The following PCDHA3 variants were observed in gnomAD, a reference collection of about 807,000 sequenced individuals.
PCDHA3 encodes the protein protocadherin alpha-3.
Under a neutral mutation model 62.2 loss-of-function variants are expected in PCDHA3, and 41 were observed. The observed-to-expected ratio is 0.66, with a 90% CI of 0.51 to 0.86. The LOEUF (loss-of-function observed/expected upper bound fraction) is 0.86. PCDHA3 is among the 40% of genes least tolerant of loss of function. PCDHA3 has a pLI of 0.00. For synonymous variants in PCDHA3, 640 were observed against 555.4 expected (o/e 1.15, Z -2.14); for missense variants, 1,304 against 1,241.2 (o/e 1.05, Z -0.76).
Position 140,823,986 on chromosome 5 carries a change from T to A in PCDHA3, c.2394+20395T>A, listed in dbSNP as rs2150131156. On this transcript the variant is annotated intron_variant, in intron 1 of 3. Coordinates refer to ENST00000522353, the MANE Select transcript of PCDHA3 (RefSeq NM_018906.3). ...CCGTGTGCACACGGGGCAAGCCCAC[T>A]CTGTTGTGCTCCAGCGCGGTGGGGA... The A allele has an allele frequency of 3.9e-5, 63 of 1,613,776 alleles. No individual in the cohort carries two copies. The Admixed American group carries it at 1.0e-3, about 27-fold the overall frequency.
intron 1 of PCDHA3, among the ~76,000 whole-genome samples, chr5:140,898,790 AT>A (rs1193457354): frequency 2.6e-5 from 4 of 152,112 alleles, no homozygotes; most frequent in African/African-American, 7.2e-5. Flanking sequence ...CAGTATGGCC[AT>A]TTTCACGATA....
chr5:140,829,430 G>C (rs2150167719), intron 1 of PCDHA3: 5 of 1,614,092 alleles, frequency 3.1e-6, no homozygotes, highest in South Asian at 1.1e-5. Flanking sequence ...GGAGGTGGCC[G>C]ACATGAATGA....
At chr5:140,870,638 A>G in intron 1 of PCDHA3, 1 of 1,612,842 alleles carries the variant, frequency 6.2e-7, no homozygotes, top group East Asian at 2.2e-5. Flanking sequence ...GTGCACGCGG[A>G]GAGCGGCAAG....
Position 140,803,543 on chromosome 5 carries a change from C to A in PCDHA3, c.2346C>A (p.Ser782Arg), listed in dbSNP as rs782432564. 25 of 1,614,074 alleles carry A rather than the reference C, an allele frequency of 1.5e-5. No homozygotes were observed. Among genetic ancestry groups the A allele is most frequent in the Non-Finnish European group, 1.9e-5 (23 of 1,180,052 alleles). ...FSPSLPPCPI[S>R]RDREEKQDVD... The stretch of plus-strand genomic sequence containing the variant: ...CTAGCCTTCCTCCTTGTCCAATTAG[C>A]CGGGATAGAGAGGAGAAACAGGATG... The change falls in exon 1 of 4, where the codon AGC becomes AGA. Residue 782 changes from serine (S) to arginine (R), a missense_variant. Coordinates refer to ENST00000522353, the MANE Select transcript of PCDHA3 (RefSeq NM_018906.3).
intron 1 of PCDHA3, chr5:140,824,471 T>C (rs1044239282): frequency 9.9e-6 from 4 of 402,254 alleles, no homozygotes; most frequent in African/African-American, 2.1e-5. Context: ...TTTATTTTAT[T>C]GTTATTTTTT....
intron 1 of PCDHA3, chr5:140,861,363 G>A: frequency 2.8e-6 from 1 of 354,256 alleles, no homozygotes; most frequent in Non-Finnish European, 5.8e-6. Flanking sequence ...TAGCGTCTTC[G>A]CGGTCCCTAT....
intron 1 of PCDHA3, chr5:140,811,095 G>A (rs1167006415): frequency 3.3e-5 from 5 of 152,252 alleles, no homozygotes; most frequent in South Asian, 2.1e-4. Context: ...TGCCATGTTC[G>A]TTTGCTGCAC....
At position 140,808,956 on chromosome 5, in the gene PCDHA3, T is replaced by C. The variant is rs781916233; in HGVS notation, c.2394+5365T>C. Reference sequence around the variant, plus strand: ...CCATGGTCGGTGGGTGTGGGCCACGTGGTGGCAAAGGTGCGCGCGGTGGAT... The same window carrying C: ...CCATGGTCGGTGGGTGTGGGCCACGCGGTGGCAAAGGTGCGCGCGGTGGAT... On this transcript the variant is annotated intron_variant, in intron 1 of 3. Coordinates refer to ENST00000522353, the MANE Select transcript of PCDHA3 (RefSeq NM_018906.3). The C allele has an allele frequency of 1.2e-5, 19 of 1,613,408 alleles. No individual in the cohort carries two copies. In the Admixed American group the frequency reaches 2.3e-4, roughly 20 times the overall value.
In PCDHA3 at chr5:140,852,432, C is replaced by A. The variant is rs185141585; in HGVS notation, c.2394+48841C>A. ...AGCTGGGATTATAGGCACATGCCAC[C>A]GCGCCCAGCTAATTTTTGTATTTTT... On this transcript the variant is annotated intron_variant, in intron 1 of 3. Transcript: ENST00000522353. 4.7e-3 allele frequency: 847 copies of A among 180,880 alleles called. 56 individuals are homozygous for A. Among genetic ancestry groups the A allele is most frequent in the South Asian group, 0.036 (183 of 5,090 alleles). 11.2% of individuals were successfully genotyped at this position (180,880 alleles called of 1,614,324 possible).
chr5:140,844,390 A>G (rs1233880656), intron 1 of PCDHA3, among the ~76,000 whole-genome samples: 1 of 149,636 alleles, frequency 6.7e-6, no homozygotes, highest in Non-Finnish European at 1.5e-5. Flanking sequence ...TTCATTATTT[A>G]GACCATTTTA....
rs1033698977 is a variant in PCDHA3 at position 140,868,958 on chromosome 5, T to A, written c.2394+65367T>A. ...TGGTCTGAACAGTGAGGCACTCCCA[T>A]ACAAAGGAACTCCATCATACCGGAT... On this transcript the variant is annotated intron_variant, in intron 1 of 3. Coordinates refer to ENST00000522353, the MANE Select transcript of PCDHA3 (RefSeq NM_018906.3). The A allele has an allele frequency of 4.3e-6, 6 of 1,397,388 alleles. No individual in the cohort carries two copies. The African/African-American group carries it at 8.6e-5, about 20-fold the overall frequency. The allele number at this position is 1,397,388 out of a possible 1,614,324, so 86.6% of individuals were successfully genotyped here.
chr5:140,833,217 A>G (rs1276816516), intron 1 of PCDHA3, among the ~76,000 whole-genome samples: 2 of 152,208 alleles, frequency 1.3e-5, no homozygotes, highest in Non-Finnish European at 1.5e-5. Context: ...AGGAATGGAC[A>G]GGTTACACAA....
intron 3 of PCDHA3, among the ~76,000 whole-genome samples, chr5:140,994,883 A>G (rs1197020328): frequency 2.6e-5 from 4 of 152,222 alleles, no homozygotes; most frequent in Non-Finnish European, 5.9e-5. Context: ...AAGAGATGTT[A>G]GGAAATGAGA....
intron 1 of PCDHA3, among the ~76,000 whole-genome samples, chr5:140,906,752 G>A (rs1328101001): frequency 6.6e-6 from 1 of 152,152 alleles, no homozygotes; most frequent in Non-Finnish European, 1.5e-5. Context: ...ACAGGGCATG[G>A]TAATACTAAG....
intron 1 of PCDHA3, among the ~76,000 whole-genome samples, chr5:140,904,820 A>C (rs2071403823): frequency 6.6e-6 from 1 of 152,014 alleles, no homozygotes; most frequent in African/African-American, 2.4e-5. Flanking sequence ...GATGTTGAGC[A>C]TTTTTTTATA....
chr5:140,819,979 G>A (rs1293437924), intron 1 of PCDHA3, among the ~76,000 whole-genome samples: 1 of 151,726 alleles, frequency 6.6e-6, no homozygotes, highest in Non-Finnish European at 1.5e-5. Context: ...GGTTATCTTT[G>A]TGTATTTTGT....
rs1336398509 is a variant in PCDHA3 at position 140,898,765 on chromosome 5, G to A, written c.2395-80184G>A. On this transcript the variant is annotated intron_variant, in intron 1 of 3. Transcript: ENST00000522353. ...GCTTGATGGGGATGGCATTGAATCT[G>A]TAAATTACCTTGGGCAGTATGGCCA... 8.0e-3 allele frequency among the ~76,000 whole-genome samples: 1,218 copies of A among 151,752 alleles called. 6 individuals are homozygous for A. The highest frequency in any genetic ancestry group is 0.019 in the African/African-American group (786 of 41,220).
rs1486042569 is a variant in PCDHA3 at position 140,880,105 on chromosome 5, A to G, written c.2394+76514A>G. On this transcript the variant is annotated intron_variant, in intron 1 of 3. Coordinates refer to ENST00000522353, the MANE Select transcript of PCDHA3 (RefSeq NM_018906.3). ...ATTATAGTAGGCTTAAAATCATAGAAGGATAGACAACAGGAAGCTGAAATA... is the reference window on the plus strand; with the variant it reads ...ATTATAGTAGGCTTAAAATCATAGAGGGATAGACAACAGGAAGCTGAAATA... 1.8e-4 allele frequency among the ~76,000 whole-genome samples: 28 copies of G among 152,256 alleles called. 1 individual carries two copies. Among genetic ancestry groups the G allele is most frequent in the Admixed American group, 1.8e-3 (28 of 15,292 alleles).
chr5:140,969,149 G>C (rs782510891), intron 1 of PCDHA3: 3 of 1,614,120 alleles, frequency 1.9e-6, no homozygotes, highest in South Asian at 1.1e-5. Context: ...CTGCTACAAG[G>C]CCTGTCTGAC....
Sources: allele counts gnomAD v4.1 joint callset (sites outside exome capture counted in the v4.1 genomes callset), GRCh38; gene constraint gnomAD v4.1.1; transcripts MANE v1.5; gene names NCBI Gene and HGNC (gene_info 2026-07-23, HGNC 2026-07-21).